The following SUPT20H variants were observed in gnomAD, a reference collection of about 807,000 sequenced individuals.
The protein encoded by SUPT20H is transcription factor SPT20 homolog.
A neutral mutation model predicts 122.8 loss-of-function variants in SUPT20H; 82 were observed. The observed-to-expected ratio is 0.67, with a 90% CI of 0.56 to 0.80. The LOEUF is 0.80. Ranked by LOEUF, SUPT20H falls within the 30% of genes least tolerant of loss-of-function variation. The pLI is 0.00. For synonymous variants in SUPT20H, 291 were observed against 313.0 expected (o/e 0.93, Z 0.74); for missense variants, 831 against 921.6 (o/e 0.90, Z 1.27).
chr13:37,048,217 T>C (rs987965343), intron 3 of SUPT20H, among the ~76,000 whole-genome samples: 2 of 152,192 alleles, frequency 1.3e-5, no homozygotes, highest in African/African-American at 4.8e-5. Context: ...TATTTTATGG[T>C]TGTTCAAAAT....
Position 37,025,376 on chromosome 13 carries a change from G to A in SUPT20H, c.1273C>T (p.His425Tyr). 1 of 1,614,034 alleles carries A rather than the reference G, an allele frequency of 6.2e-7. No homozygotes were observed. Among genetic ancestry groups the A allele is most frequent in the Non-Finnish European group, 8.5e-7 (1 of 1,179,922 alleles). The part of the protein sequence containing the change: ...NEAKCPVKMS[H>Y]SSSGSASLSQ... ...AGACTGGCTGAGCCACTGGAGCTGT[G>A]TGACATCTTGACCGGACATTTGGCT... Residue 425 changes from histidine to tyrosine, a missense_variant, in exon 17 of 26, where the codon CAC (histidine) becomes TAC (tyrosine). By Grantham distance (83) the His-to-Tyr change is moderately conservative (BLOSUM62 2). Coordinates refer to ENST00000350612, the MANE Select transcript of SUPT20H (RefSeq NM_001014286.3).
At position 37,047,524 on chromosome 13, in the gene SUPT20H, TG is replaced by T; in HGVS notation, c.165+10del. The T allele has an allele frequency of 7.0e-7, 1 of 1,438,400 alleles. No individual in the cohort carries two copies. The highest frequency in any genetic ancestry group is 9.2e-7 in the Non-Finnish European group (1 of 1,081,272). 89.1% of individuals were successfully genotyped at this position (1,438,400 alleles called of 1,614,324 possible). Reference sequence around the variant, plus strand: ...TTCAAAAGCTACAACATAATAAAAATGTATACTTACCTTAACTTCAGGTTCT... The same window carrying T: ...TTCAAAAGCTACAACATAATAAAAATTATACTTACCTTAACTTCAGGTTCT... On this transcript the variant is annotated intron_variant, in intron 5 of 25. Coordinates refer to ENST00000350612, the MANE Select transcript of SUPT20H (RefSeq NM_001014286.3).
rs201471428 is a variant in SUPT20H, at chr13:37,022,073, C to T, written c.1599G>A (p.Thr533=). 492 of 1,613,712 alleles carry T rather than the reference C, an allele frequency of 3.0e-4. No homozygotes were observed. Among genetic ancestry groups the T allele is most frequent in the Non-Finnish European group, 3.7e-4 (439 of 1,179,862 alleles). The change falls in exon 20 of 26, where the codon ACG becomes ACA. Residue 533 remains threonine (T), a synonymous_variant. Transcript: ENST00000350612. This position sits in a 1 kb window ranked among gnomAD's most constrained non-coding sequence, Gnocchi z 4.5. ...CAGAGTTTGCCATGACCTGGGTGGC[C>T]GTGGTTCCTGGAGTTATAGATGTTA... The part of the protein sequence containing the change: ...LSPASSSQRT[T]ATQVMANSAG...
chr13:37,013,366 T>A (rs747341265), intron 23 of SUPT20H: 1 of 152,072 alleles, frequency 6.6e-6, no homozygotes, highest in Non-Finnish European at 1.5e-5. Flanking sequence ...CTGTTTTTTT[T>A]CTTTGTTGTT....
In SUPT20H at chr13:37,044,183, T is replaced by C; in HGVS notation, c.293-2A>G. ...AGGGCAGTCGAATGGTCTCGGAATC[T>C]TAATTTAAAACATGAAGTTTGAAAA... On this transcript the variant is annotated splice_acceptor_variant, in intron 6 of 25. Coordinates refer to ENST00000350612, the MANE Select transcript of SUPT20H (RefSeq NM_001014286.3). LOFTEE classifies it high-confidence loss of function. The C allele has an allele frequency of 1.9e-6, 3 of 1,596,866 alleles. No homozygotes were observed. Among genetic ancestry groups the C allele is most frequent in the Non-Finnish European group, 2.6e-6 (3 of 1,172,016 alleles).
chr13:37,047,441 T>TCA, intron 5 of SUPT20H, 94 bp downstream of exon 5: 2 of 1,287,410 alleles, frequency 1.6e-6, no homozygotes, highest in Non-Finnish European at 2.0e-6. Flanking sequence ...GTTAGTTCAC[T>TCA]CACACACACA....
At position 37,033,555 on chromosome 13, in the gene SUPT20H, G is replaced by A; in HGVS notation, c.601C>T (p.Leu201=). The change falls in exon 10 of 26, where the codon CTA becomes TTA. Residue 201 remains leucine (L), a synonymous_variant. Transcript: ENST00000350612. ...DKLLLESQLI[L]ATAEPLCLDP... ...AGACAGAGTGGTTCAGCTGTAGCTAGGATGAGCTGGCTCTCAAGCAAAAGT... is the reference window on the plus strand; with the variant it reads ...AGACAGAGTGGTTCAGCTGTAGCTAAGATGAGCTGGCTCTCAAGCAAAAGT... 6.2e-7 allele frequency: 1 copy of A among 1,613,358 alleles called. No homozygotes were observed. The highest frequency in any genetic ancestry group is 8.5e-7 in the Non-Finnish European group (1 of 1,179,660).
At chr13:37,020,255 G>A (rs955811349) in intron 21 of SUPT20H, among the ~76,000 whole-genome samples, 18 of 151,542 alleles carry the variant, frequency 1.2e-4, no homozygotes, top group East Asian at 5.8e-4. Context: ...TAACACTAGC[G>A]AAGCCTTGTA....
At chr13:37,055,499 C>A (rs1035800542) in intron 1 of SUPT20H, among the ~76,000 whole-genome samples, 2 of 151,928 alleles carry the variant, frequency 1.3e-5, no homozygotes, top group Non-Finnish European at 1.5e-5. Flanking sequence ...CAAACCTGAC[C>A]AAAACAAGCA....
intron 1 of SUPT20H, among the ~76,000 whole-genome samples, chr13:37,056,564 A>G (rs1043218361): frequency 9.9e-5 from 15 of 152,100 alleles, no homozygotes; most frequent in Non-Finnish European, 2.2e-4. Context: ...GAATTGAGCA[A>G]TGAGAACTCA....
chr13:37,028,558 G>A (rs1169798757), intron 13 of SUPT20H, among the ~76,000 whole-genome samples: 1 of 152,082 alleles, frequency 6.6e-6, no homozygotes, highest in Non-Finnish European at 1.5e-5. Context: ...GAACACATAT[G>A]TAACAATATT....
intron 7 of SUPT20H, among the ~76,000 whole-genome samples, chr13:37,040,922 T>G (rs1366340925): frequency 6.6e-6 from 1 of 152,188 alleles, no homozygotes; most frequent in Non-Finnish European, 1.5e-5. Flanking sequence ...ATTTAATAGT[T>G]TCTAATTATA....
At chr13:37,038,364 CAAG>C (rs992317418) in intron 9 of SUPT20H, 16 of 152,164 alleles carry the variant, frequency 1.1e-4, no homozygotes, top group African/African-American at 3.9e-4. Context: ...CAGTTCATAA[CAAG>C]AAGGGCAGGA....
chr13:37,047,902 T>C lies in SUPT20H; in HGVS notation c.74A>G (p.Lys25Arg). 1 of 1,606,706 alleles carries C rather than the reference T, an allele frequency of 6.2e-7. No homozygotes were observed. The highest frequency in any genetic ancestry group is 2.2e-5 in the East Asian group (1 of 44,668). Reference protein sequence around the residue: ...VIESARQRPPKRKYLSSGRKS... With the variant: ...VIESARQRPPRRKYLSSGRKS... ...CCTTCCACTTGATAGGTATTTCCTT[T>C]TAGGAGGTCTCTGTCGGGCACTTTC... The change falls in exon 4 of 26, where the codon AAA (lysine) becomes AGA (arginine). Residue 25 changes from lysine (K) to arginine (R), a missense_variant. Coordinates refer to ENST00000350612, the MANE Select transcript of SUPT20H (RefSeq NM_001014286.3).
rs1010295214 is a variant in SUPT20H, at chr13:37,028,172, C to G, written c.1127G>C (p.Ser376Thr). The change falls in exon 14 of 26, where the codon AGT becomes ACT. Residue 376 changes from serine to threonine, a missense_variant. Physicochemically the swap from Ser to Thr is moderately conservative, Grantham distance 58. Transcript: ENST00000350612. ...CTGTGATGGAGACATCTGGCTGTCA[C>G]TTTCTTCATCTGCTTTACATGGCTG... is the stretch of plus-strand genomic sequence containing the variant. ...KIQPCKADEESDSQMSPSHSS... is the reference protein window; with the variant it reads ...KIQPCKADEETDSQMSPSHSS... 6.2e-7 allele frequency: 1 copy of G among 1,608,326 alleles called. No homozygotes were observed. The highest frequency in any genetic ancestry group is 2.2e-5 in the East Asian group (1 of 44,640).
chr13:37,042,423 A>G (rs1027139733), intron 7 of SUPT20H, among the ~76,000 whole-genome samples: 1 of 152,222 alleles, frequency 6.6e-6, no homozygotes, highest in Non-Finnish European at 1.5e-5. Flanking sequence ...TTCAGGGAGA[A>G]TATTACTAAA....
chr13:37,047,475 C>T, intron 5 of SUPT20H, 60 bp downstream of exon 5: 1 of 1,369,012 alleles, frequency 7.3e-7, no homozygotes, highest in Non-Finnish European at 9.6e-7. Flanking sequence ...AAATGTAACT[C>T]CTCCAAATTC....
intron 19 of SUPT20H, chr13:37,023,692 T>TAA (rs1456725421): frequency 6.0e-6 from 1 of 167,424 alleles, no homozygotes; most frequent in Non-Finnish European, 1.3e-5. Flanking sequence ...TTTACATAAA[T>TAA]ATGCAAAATG....
At chr13:37,037,873 A>G (rs996954823) in intron 9 of SUPT20H, among the ~76,000 whole-genome samples, 1 of 152,208 alleles carries the variant, frequency 6.6e-6, no homozygotes, top group Non-Finnish European at 1.5e-5. Flanking sequence ...AATTAATAAT[A>G]TTGCTAAATA....
Sources: allele counts gnomAD v4.1 joint callset (sites outside exome capture counted in the v4.1 genomes callset), GRCh38; gene constraint gnomAD v4.1.1; non-coding constraint Gnocchi (gnomAD v3.1); transcripts MANE v1.5; gene names NCBI Gene and HGNC (gene_info 2026-07-23, HGNC 2026-07-21).